TTC28: variants seen among roughly 807,000 people sequenced by gnomAD.
The protein encoded by TTC28 is tetratricopeptide repeat protein 28.
Under a neutral mutation model 198.0 loss-of-function variants are expected in TTC28, and 61 were observed. The observed-to-expected ratio is 0.31, with a 90% CI of 0.25 to 0.38. The LOEUF is 0.38. Ranked by LOEUF, TTC28 falls within the 10% of genes least tolerant of loss-of-function variation. TTC28 has a pLI of 1.00. For missense variants in TTC28, 2,678 were observed against 3,164.0 expected, an observed-to-expected ratio of 0.85 and a Z score of 3.69; for synonymous variants, 1,171 against 1,297.8, an observed-to-expected ratio of 0.90 and a Z score of 2.10.
intron 6 of TTC28, among the ~76,000 whole-genome samples, chr22:28,117,082 G>C (rs950022931): frequency 6.6e-6 from 1 of 152,214 alleles, no homozygotes; most frequent in Non-Finnish European, 1.5e-5. Context: ...GCTTTATCCA[G>C]TGAAAAGTAA....
At chr22:28,584,356 G>T (rs117259530) in intron 2 of TTC28, among the ~76,000 whole-genome samples, 2 of 152,218 alleles carry the variant, frequency 1.3e-5, no homozygotes, top group East Asian at 3.9e-4. Flanking sequence ...CCTGGACTCT[G>T]CAGGTTAATA....
chr22:28,499,754 G>A (rs2048510219), intron 2 of TTC28, among the ~76,000 whole-genome samples: 2 of 152,166 alleles, frequency 1.3e-5, no homozygotes, highest in Non-Finnish European at 2.9e-5. Flanking sequence ...AGCTTATTGA[G>A]TAAACTCCAA....
At chr22:28,234,321 C>G (rs573888332) in intron 5 of TTC28, among the ~76,000 whole-genome samples, 1 of 151,998 alleles carries the variant, frequency 6.6e-6, no homozygotes, top group African/African-American at 2.4e-5. Context: ...GGATTACAGG[C>G]GTGAGCCACC....
chr22:28,298,284 TTAAC>T, intron 3 of TTC28, among the ~76,000 whole-genome samples: 1 of 152,356 alleles, frequency 6.6e-6, no homozygotes, highest in Admixed American at 6.5e-5. Context: ...AGTTTGGTCA[TTAAC>T]TATTTTAGAA....
intron 2 of TTC28, among the ~76,000 whole-genome samples, chr22:28,566,715 CAAAGAGAA>C (rs2049975362): frequency 6.6e-6 from 1 of 151,570 alleles, no homozygotes; most frequent in African/African-American, 2.4e-5. Flanking sequence ...AAAAAAAGAA[CAAAGAGAA>C]AAAAAGTTCT....
intron 2 of TTC28, 102 bp from the exon 3 acceptor site, chr22:28,306,745 G>A (rs955766729): frequency 7.9e-6 from 10 of 1,265,530 alleles, no homozygotes; most frequent in Non-Finnish European, 9.8e-6. Context: ...AGATTGAGAT[G>A]TACTTGATTT....
chr22:28,051,671 C>A (rs889344282), intron 12 of TTC28, among the ~76,000 whole-genome samples: 4 of 152,194 alleles, frequency 2.6e-5, no homozygotes, highest in Non-Finnish European at 4.4e-5. Flanking sequence ...AAGCTGTTGT[C>A]ACGTCATGAA....
chr22:28,026,066 A>C (rs1042971496), intron 13 of TTC28, among the ~76,000 whole-genome samples: 9 of 152,144 alleles, frequency 5.9e-5, no homozygotes, highest in African/African-American at 1.9e-4. Flanking sequence ...CAGTCACTGC[A>C]TTCCCTCCCA....
intron 2 of TTC28, among the ~76,000 whole-genome samples, chr22:28,497,410 CAT>C (rs1212136218): frequency 6.6e-6 from 1 of 152,178 alleles, no homozygotes; most frequent in African/African-American, 2.4e-5. Context: ...TTTACACAGT[CAT>C]AATAAATACT....
chr22:28,179,616 A>C (rs969697958), intron 5 of TTC28, among the ~76,000 whole-genome samples: 1 of 152,184 alleles, frequency 6.6e-6, no homozygotes, highest in East Asian at 1.9e-4. Context: ...TTAGAAATCA[A>C]TGCATGTGTC....
intron 12 of TTC28, among the ~76,000 whole-genome samples, chr22:28,088,098 T>C (rs1941679344): frequency 6.6e-6 from 1 of 152,138 alleles, no homozygotes; most frequent in Admixed American, 6.5e-5. Flanking sequence ...CAAGGTAATT[T>C]ATAGATTCAA....
chr22:28,653,550 T>C (rs1202098457), intron 1 of TTC28, among the ~76,000 whole-genome samples: 1 of 151,264 alleles, frequency 6.6e-6, no homozygotes, highest in African/African-American at 2.4e-5. Context: ...CTTCCAGGAG[T>C]TATATGGCCC....
At chr22:28,641,876 C>A (rs9625520) in intron 1 of TTC28, among the ~76,000 whole-genome samples, 20,563 of 151,982 alleles carry the variant, frequency 0.14, 1,630 homozygotes, top group African/African-American at 0.19. Context: ...AAATTTATAA[C>A]ACAAAATGCA....
At chr22:28,407,349 G>A (rs1001185152) in intron 2 of TTC28, among the ~76,000 whole-genome samples, 1 of 152,066 alleles carries the variant, frequency 6.6e-6, no homozygotes, top group African/African-American at 2.4e-5. Flanking sequence ...TGTGTCTGAC[G>A]TTTCTCCAAG....
At chr22:28,545,260 C>A (rs1055930760) in intron 2 of TTC28, among the ~76,000 whole-genome samples, 3 of 152,128 alleles carry the variant, frequency 2.0e-5, no homozygotes, top group Non-Finnish European at 4.4e-5. Context: ...AAGACATCTA[C>A]AAACAAATTT....
chr22:28,145,264 TC>T (rs1275328128), intron 6 of TTC28, among the ~76,000 whole-genome samples: 3 of 152,174 alleles, frequency 2.0e-5, no homozygotes, highest in East Asian at 3.8e-4. Context: ...TTATTATTGT[TC>T]CCCTTTTTTA....
intron 9 of TTC28, among the ~76,000 whole-genome samples, chr22:28,100,674 T>C (rs994826937): frequency 6.6e-6 from 1 of 152,172 alleles, no homozygotes; most frequent in African/African-American, 2.4e-5. Context: ...TGCGTGATCT[T>C]AGATGCAGCC....
intron 5 of TTC28, among the ~76,000 whole-genome samples, chr22:28,183,445 G>A (rs1923897118): frequency 6.6e-6 from 1 of 152,124 alleles, no homozygotes; most frequent in Non-Finnish European, 1.5e-5. Context: ...AGTGAAGGCA[G>A]GACCAGAGCC....
rs557272524 is a variant in TTC28 at position 28,544,930 on chromosome 22, T to G, written c.381+84622A>C. Among the ~76,000 whole-genome samples, 15 of 152,348 alleles carry G rather than the reference T, an allele frequency of 9.8e-5. No individual in the cohort carries two copies. In the East Asian group the frequency reaches 2.3e-3, roughly 24 times the overall value. ...AATAATCCACCCCTTGTAGAGCATA[T>G]AATCAAGAAACAACTATAAGTATAC... On this transcript the variant is annotated intron_variant, in intron 2 of 22. Transcript: ENST00000397906.
Sources: gnomAD v4.1 joint callset for allele counts (sites outside exome capture counted in the v4.1 genomes callset) on GRCh38, gnomAD v4.1.1 for gene constraint, MANE v1.5 for transcripts, NCBI Gene and HGNC (gene_info 2026-07-23, HGNC 2026-07-21) for gene names.